Variants in UPF1 observed in about 807,000 individuals in gnomAD.
UPF1 encodes the protein UPF1 RNA helicase and ATPase.
Under a neutral mutation model 129.2 loss-of-function variants are expected in UPF1, and 9 were observed. The ratio of observed to expected loss-of-function variants is 0.07; its 90% CI spans 0.04 to 0.12. The LOEUF is 0.12. UPF1 is among the 10% of genes least tolerant of loss of function. The probability of loss-of-function intolerance (pLI) is 1.00; values close to 1 mark genes in which losing one functional copy is unlikely to be tolerated. For missense variants in UPF1, 788 were observed against 1,525.3 expected, an observed-to-expected ratio of 0.52 and a Z score of 8.05; for synonymous variants, 649 against 644.9, an observed-to-expected ratio of 1.01 and a Z score of -0.10.
At chr19:18,855,586 T>A (rs1473664892) in intron 11 of UPF1, 6 of 499,458 alleles carry the variant, frequency 1.2e-5, no homozygotes, top group African/African-American at 9.7e-5. Flanking sequence ...AAGCCTGGGC[T>A]GTCTGGATCT....
In UPF1 at chr19:18,856,055, C is replaced by T. The variant is rs1200283330; in HGVS notation, c.1675C>T (p.Leu559=). 4 of 1,613,994 alleles carry T rather than the reference C, an allele frequency of 2.5e-6. No homozygotes were observed. Among genetic ancestry groups the T allele is most frequent in the East Asian group, 4.5e-5 (2 of 44,894 alleles). ...REAIDSPVSF[L]ALHNQIRNMD... ...GGCCATCGACTCCCCGGTGTCTTTTCTGGCCCTGCACAACCAGATCAGGAA... is the reference window on the plus strand; with the variant it reads ...GGCCATCGACTCCCCGGTGTCTTTTTTGGCCCTGCACAACCAGATCAGGAA... Residue 559 remains leucine, a synonymous_variant, in exon 12 of 24, where the codon CTG becomes TTG. Transcript: ENST00000262803.
At chr19:18,863,711 G>C in intron 19 of UPF1, 99 bp downstream of exon 19, 1 of 1,458,858 alleles carries the variant, frequency 6.9e-7, no homozygotes, top group South Asian at 1.3e-5. Flanking sequence ...GTGAGCTGAG[G>C]GAGGGCTCTC....
At position 18,854,443 on chromosome 19, in the gene UPF1, G is replaced by T. The variant is rs368527338; in HGVS notation, c.1157-158G>T. On this transcript the variant is annotated intron_variant, in intron 8 of 23. Coordinates refer to ENST00000262803, the MANE Select transcript of UPF1 (RefSeq NM_002911.4). ...AAGGATGCTGTCCTTCTGGTCTCTGGTCTGGTGTTGGCTGCACGTTTTTAG... is the reference window on the plus strand; with the variant it reads ...AAGGATGCTGTCCTTCTGGTCTCTGTTCTGGTGTTGGCTGCACGTTTTTAG... Among the ~76,000 whole-genome samples the T allele has an allele frequency of 5.3e-5, 8 of 152,208 alleles. No homozygotes were observed. In the East Asian group the frequency reaches 5.8e-4, roughly 11 times the overall value.
At chr19:18,848,188 T>C in intron 3 of UPF1, 1 of 272,860 alleles carries the variant, frequency 3.7e-6, no homozygotes, top group Non-Finnish European at 7.2e-6. Flanking sequence ...CGCTGGTTCC[T>C]GAGCAAGCTT....
At chr19:18,846,266 C>T (rs1191946177) in intron 2 of UPF1, 147 bp downstream of exon 2, 4 of 1,257,414 alleles carry the variant, frequency 3.2e-6, no homozygotes, top group African/African-American at 1.5e-5. Context: ...GGAAATTGCT[C>T]AGGCCATGTG....
chr19:18,865,234 C>T lies in UPF1; in HGVS notation c.2858-55C>T, dbSNP rs899291060. 1.2e-5 allele frequency: 18 copies of T among 1,532,940 alleles called. No individual in the cohort carries two copies. The highest frequency in any genetic ancestry group is 1.7e-4 in the Middle Eastern group (1 of 5,854). 95.0% of individuals were successfully genotyped at this position (1,532,940 alleles called of 1,614,324 possible). On this transcript the variant is annotated intron_variant, in intron 20 of 23. Transcript: ENST00000262803. The surrounding 1 kb of genome is among the most constrained non-coding windows in gnomAD (Gnocchi z 6.1). ...CTGGCTGGTGGGGTGGGTGGGGTAT[C>T]GCTGGGGTTTGACCGAGGCAGGTGA... is the stretch of plus-strand genomic sequence containing the variant.
chr19:18,856,758 T>G, intron 13 of UPF1, 119 bp from the exon 14 acceptor site: 1 of 1,394,594 alleles, frequency 7.2e-7, no homozygotes, highest in Non-Finnish European at 9.5e-7. Flanking sequence ...ACAGCTTGTT[T>G]TTTATAGTGT....
Position 18,857,440 on chromosome 19 carries a change from C to T in UPF1, c.2089C>T (p.Arg697Cys). ...GGTGGTGCTGGGCATCCGGCCCATC[C>T]GCCTGCAGGTCCAGTACCGGATGCA... ...RLVVLGIRPIRLQVQYRMHPA... is the reference protein window; with the variant it reads ...RLVVLGIRPICLQVQYRMHPA... The change falls in exon 15 of 24, where the codon CGC becomes TGC. Residue 697 changes from arginine (R) to cysteine (C), a missense_variant. By Grantham distance (180) the Arg-to-Cys change is radical (BLOSUM62 -3). This residue lies in a region of UPF1 where 140 missense variants were observed against 385.9 expected (regional missense o/e 0.36). Transcript: ENST00000262803. The T allele has an allele frequency of 1.2e-6, 2 of 1,613,744 alleles. No individual in the cohort carries two copies. Among genetic ancestry groups the T allele is most frequent in the Non-Finnish European group, 1.7e-6 (2 of 1,180,014 alleles).
Position 18,851,149 on chromosome 19 carries a change from G to A in UPF1, c.810+281G>A. On this transcript the variant is annotated intron_variant, in intron 5 of 23. Transcript: ENST00000262803. The surrounding 1 kb of genome is among the most constrained non-coding windows in gnomAD (Gnocchi z 4.2). ...GCCGGGGTGAGGATGGGTGGTGGGA[G>A]GGGAAGAATGGGGCTGGCTGTGGGC... 1 of 316,908 alleles carries A rather than the reference G, an allele frequency of 3.2e-6. No homozygotes were observed. Among genetic ancestry groups the A allele is most frequent in the Non-Finnish European group, 5.9e-6 (1 of 169,470 alleles). 19.6% of individuals were successfully genotyped at this position (316,908 alleles called of 1,614,324 possible).
intron 1 of UPF1, among the ~76,000 whole-genome samples, chr19:18,837,886 A>G (rs2055500254): frequency 6.6e-6 from 1 of 152,180 alleles, no homozygotes. Flanking sequence ...TCTGGATCGT[A>G]AGGGACAACT....
intron 3 of UPF1, 29 bp downstream of exon 3, chr19:18,847,862 T>C (rs1416663137): frequency 6.2e-7 from 1 of 1,601,102 alleles, no homozygotes; most frequent in East Asian, 2.2e-5. Context: ...CATGTGTGTT[T>C]AATCAGTGCT....
At chr19:18,857,185 AGTGTGC>A in intron 14 of UPF1, 129 bp from the exon 15 acceptor site, 1 of 1,468,136 alleles carries the variant, frequency 6.8e-7, no homozygotes, top group Admixed American at 2.1e-5. Flanking sequence ...CTGCACGTCC[AGTGTGC>A]GTGGTGAGCA....
In UPF1 at chr19:18,862,035, C is replaced by T; in HGVS notation, c.2483C>T (p.Ala828Val). The T allele has an allele frequency of 6.2e-7, 1 of 1,613,510 alleles. No homozygotes were observed. The highest frequency in any genetic ancestry group is 8.5e-7 in the Non-Finnish European group (1 of 1,179,874). The change falls in exon 18 of 24, where the codon GCC becomes GTC. Residue 828 changes from alanine (A) to valine (V), a missense_variant. Ala to Val is a moderately conservative substitution (Grantham distance 64). Transcript: ENST00000262803. ...YQEVEIASVDAFQGREKDFII... is the reference protein window; with the variant it reads ...YQEVEIASVDVFQGREKDFII... The stretch of plus-strand genomic sequence containing the variant: ...GAGGTGGAGATCGCCAGTGTGGACG[C>T]CTTTCAGGGACGCGAGAAGGACTTC...
intron 17 of UPF1, 77 bp downstream of exon 17, chr19:18,861,059 C>T (rs45559441): frequency 6.8e-7 from 1 of 1,478,642 alleles, no homozygotes; most frequent in East Asian, 2.5e-5. Context: ...AGTTACCCCC[C>T]AAGAGGGGCC....
At chr19:18,862,975 G>A (rs1420454751) in intron 18 of UPF1, 1 of 158,318 alleles carries the variant, frequency 6.3e-6, no homozygotes, top group African/African-American at 2.4e-5. Flanking sequence ...TCTCCTCTAG[G>A]TCACCATGGC....
chr19:18,840,796 T>C (rs1357226662), intron 1 of UPF1, among the ~76,000 whole-genome samples: 4 of 152,368 alleles, frequency 2.6e-5, no homozygotes, highest in Non-Finnish European at 4.4e-5. Flanking sequence ...GTCTGGTGGC[T>C]GGCAGCAGGT....
chr19:18,863,332 G>A (rs1213020135), intron 18 of UPF1, 106 bp from the exon 19 acceptor site: 57 of 1,465,398 alleles, frequency 3.9e-5, no homozygotes, highest in Non-Finnish European at 5.1e-5. Context: ...CCACGCCTCT[G>A]TTGCCTTGGA....
chr19:18,856,018 C>T lies in UPF1; in HGVS notation c.1638C>T (p.Ala546=). The change falls in exon 12 of 24, where the codon GCC becomes GCT. Residue 546 remains alanine, a synonymous_variant. Coordinates refer to ENST00000262803, the MANE Select transcript of UPF1 (RefSeq NM_002911.4). ...QTGLKVVRLC[A]KSREAIDSPV... is the part of the protein sequence containing the mutation. ...GGCTAAAGGTCGTGCGCCTCTGCGC[C>T]AAGAGCCGTGAGGCCATCGACTCCC... 2 of 1,614,036 alleles carry T rather than the reference C, an allele frequency of 1.2e-6. No homozygotes were observed. The highest frequency in any genetic ancestry group is 1.7e-6 in the Non-Finnish European group (2 of 1,180,040).
chr19:18,852,407 G>C (rs1601112842), intron 6 of UPF1, 111 bp downstream of exon 6: 1 of 1,479,418 alleles, frequency 6.8e-7, no homozygotes, highest in African/African-American at 1.4e-5. Flanking sequence ...GATGTGGGCT[G>C]CAGCCGCGAC....
Sources: allele counts gnomAD v4.1 joint callset (sites outside exome capture counted in the v4.1 genomes callset), GRCh38; gene constraint gnomAD v4.1.1; regional missense constraint gnomAD v4.1.1; non-coding constraint Gnocchi (gnomAD v3.1); transcripts MANE v1.5; gene names NCBI Gene and HGNC (gene_info 2026-07-23, HGNC 2026-07-21).